The following FAM117B variants were observed in gnomAD, a reference collection of about 807,000 sequenced individuals.
FAM117B encodes the protein family with sequence similarity 117 member B.
FAM117B carries 22 observed loss-of-function variants against 52.8 expected under a neutral mutation model. That is an observed-to-expected ratio of 0.42 (90% confidence interval 0.30 to 0.59). The LOEUF is 0.59. Ranked by LOEUF, FAM117B falls within the 20% of genes least tolerant of loss-of-function variation. The pLI, the probability that FAM117B is intolerant of heterozygous loss-of-function variation, is 0.22. For missense variants in FAM117B, 678 were observed against 802.6 expected, an observed-to-expected ratio of 0.84 and a Z score of 1.88; for synonymous variants, 309 against 324.1, an observed-to-expected ratio of 0.95 and a Z score of 0.50.
chr2:202,664,654 G>T (rs1690175365), intron 1 of FAM117B, among the ~76,000 whole-genome samples: 1 of 152,142 alleles, frequency 6.6e-6, no homozygotes, highest in Non-Finnish European at 1.5e-5. Context: ...ATTGAGTCCT[G>T]TTTAAAATTT....
intron 1 of FAM117B, among the ~76,000 whole-genome samples, chr2:202,671,316 G>A (rs1405280080): frequency 6.6e-6 from 1 of 152,214 alleles, no homozygotes; most frequent in Non-Finnish European, 1.5e-5. Flanking sequence ...GCTTTAATAA[G>A]TAGTATACCA....
At chr2:202,746,338 A>C (rs1691632471) in intron 4 of FAM117B, among the ~76,000 whole-genome samples, 1 of 152,198 alleles carries the variant, frequency 6.6e-6, no homozygotes, top group South Asian at 2.1e-4. Context: ...GATACATGGA[A>C]GTTAACATGC....
At chr2:202,636,089 T>C (rs927536133) in intron 1 of FAM117B, among the ~76,000 whole-genome samples, 1 of 150,888 alleles carries the variant, frequency 6.6e-6, no homozygotes, top group Non-Finnish European at 1.5e-5. Context: ...ATGATAAACC[T>C]GGCTTCCTGG....
At chr2:202,754,139 T>C in intron 4 of FAM117B, among the ~76,000 whole-genome samples, 1 of 152,176 alleles carries the variant, frequency 6.6e-6, no homozygotes, top group Admixed American at 6.5e-5. Flanking sequence ...ATGCCATCAA[T>C]GATAGACCAG....
intron 2 of FAM117B, among the ~76,000 whole-genome samples, chr2:202,697,582 G>A (rs1026141487): frequency 4.2e-5 from 6 of 141,730 alleles, no homozygotes; most frequent in African/African-American, 1.1e-4. Flanking sequence ...ATAGAATCTC[G>A]CTGTGTCGCC....
At chr2:202,685,812 G>A (rs1690530581) in intron 1 of FAM117B, among the ~76,000 whole-genome samples, 1 of 152,138 alleles carries the variant, frequency 6.6e-6, no homozygotes, top group South Asian at 2.1e-4. Context: ...CATATGAAGG[G>A]TAAAATGGAA....
At chr2:202,681,361 A>G (rs903255200) in intron 1 of FAM117B, among the ~76,000 whole-genome samples, 2 of 152,246 alleles carry the variant, frequency 1.3e-5, no homozygotes, top group African/African-American at 4.8e-5. Context: ...AGAGATTATC[A>G]GACTGGATTT....
intron 1 of FAM117B, among the ~76,000 whole-genome samples, chr2:202,684,174 T>C (rs1256195926): frequency 6.6e-6 from 1 of 152,118 alleles, no homozygotes; most frequent in Non-Finnish European, 1.5e-5. Context: ...GCCCAAAACT[T>C]CTTGACAAAA....
At chr2:202,728,185 G>T (rs1024177214) in intron 4 of FAM117B, among the ~76,000 whole-genome samples, 5 of 151,934 alleles carry the variant, frequency 3.3e-5, no homozygotes, top group Non-Finnish European at 5.9e-5. Context: ...TAGAGATGGG[G>T]TCTGTGTTGC....
At chr2:202,716,187 A>G (rs1691052920) in intron 2 of FAM117B, among the ~76,000 whole-genome samples, 1 of 152,166 alleles carries the variant, frequency 6.6e-6, no homozygotes, top group Non-Finnish European at 1.5e-5. Context: ...TGTGTTGTCT[A>G]AATATAGCTA....
intron 4 of FAM117B, among the ~76,000 whole-genome samples, chr2:202,753,129 C>G (rs889486743): frequency 3.3e-5 from 5 of 152,172 alleles, no homozygotes; most frequent in African/African-American, 1.2e-4. Context: ...TACTATAAGG[C>G]TACAGTAACC....
At chr2:202,737,255 G>A (rs1354185866) in intron 4 of FAM117B, among the ~76,000 whole-genome samples, 4 of 151,886 alleles carry the variant, frequency 2.6e-5, no homozygotes, top group Admixed American at 2.0e-4. Flanking sequence ...ACAATATTAG[G>A]CAGGTAAAGA....
rs563596466 is a variant in FAM117B, at chr2:202,745,579, T to G, written c.961-9959T>G. Among the ~76,000 whole-genome samples, 9 of 152,250 alleles carry G rather than the reference T, an allele frequency of 5.9e-5. No homozygotes were observed. In the South Asian group the frequency reaches 1.9e-3, roughly 32 times the overall value. The stretch of plus-strand genomic sequence containing the variant: ...AAAACAATCAAAAAAACAATTAAAG[T>G]GACTGACAGGAGTAAGTTCTTACCT... On this transcript the variant is annotated intron_variant, in intron 4 of 7. Transcript: ENST00000392238.
intron 1 of FAM117B, among the ~76,000 whole-genome samples, chr2:202,668,213 A>G (rs1454079344): frequency 6.9e-6 from 1 of 145,320 alleles, no homozygotes; most frequent in Non-Finnish European, 1.5e-5. Context: ...TTTTTATATA[A>G]TATACAATAT....
Position 202,738,458 on chromosome 2 carries a change from G to A in FAM117B, c.960+12095G>A, listed in dbSNP as rs116736964. The stretch of plus-strand genomic sequence containing the variant: ...GGGAAATGGAGAATTTATAAAAAAA[G>A]AAGACATCAGTTCAGACTATCTTAA... On this transcript the variant is annotated intron_variant, in intron 4 of 7. Transcript: ENST00000392238. Among the ~76,000 whole-genome samples, 1,287 of 152,150 alleles carry A rather than the reference G, an allele frequency of 8.5e-3. 22 individuals carry two copies. The highest frequency in any genetic ancestry group is 0.029 in the African/African-American group (1,216 of 41,532).
intron 1 of FAM117B, among the ~76,000 whole-genome samples, chr2:202,667,290 G>A (rs1361793600): frequency 6.6e-6 from 1 of 150,950 alleles, no homozygotes; most frequent in African/African-American, 2.4e-5. Context: ...TAATAGAGAC[G>A]GGGTTTCACC....
At chr2:202,644,074 T>TTG (rs1553518169) in intron 1 of FAM117B, among the ~76,000 whole-genome samples, 1 of 146,672 alleles carries the variant, frequency 6.8e-6, no homozygotes, top group African/African-American at 2.5e-5. Flanking sequence ...GTTTTTTTTT[T>TTG]TTTTTTTTTT....
intron 3 of FAM117B, 156 bp downstream of exon 3, chr2:202,725,165 A>C: frequency 6.2e-6 from 3 of 486,718 alleles, no homozygotes; most frequent in South Asian, 4.5e-5. Context: ...GTGTTGATTT[A>C]ATAAAGATTT....
intron 2 of FAM117B, among the ~76,000 whole-genome samples, chr2:202,708,975 A>G (rs947329804): frequency 1.3e-5 from 2 of 152,192 alleles, no homozygotes; most frequent in African/African-American, 4.8e-5. Flanking sequence ...ATTCCCAACA[A>G]CAGTGTACAG....
Sources: gnomAD v4.1 joint callset for allele counts (sites outside exome capture counted in the v4.1 genomes callset) on GRCh38, gnomAD v4.1.1 for gene constraint, MANE v1.5 for transcripts, NCBI Gene and HGNC (gene_info 2026-07-23, HGNC 2026-07-21) for gene names.